Variants in STXBP6 observed in about 807,000 individuals in gnomAD.
STXBP6 encodes syntaxin-binding protein 6.
STXBP6 carries 21 observed loss-of-function variants against 26.9 expected under a neutral mutation model. The observed-to-expected ratio is 0.78, with a 90% confidence interval of 0.55 to 1.12. STXBP6 has a LOEUF of 1.12. Ranked by LOEUF, STXBP6 falls within the 50% of genes most tolerant of loss-of-function variation. STXBP6 has a pLI of 0.00. For missense variants in STXBP6, 232 were observed against 257.9 expected (o/e 0.90, Z 0.69); for synonymous variants, 97 against 92.6 (o/e 1.05, Z -0.27).
chr14:24,942,552 G>C (rs2072840454), intron 2 of STXBP6, among the ~76,000 whole-genome samples: 1 of 152,198 alleles, frequency 6.6e-6, no homozygotes. Flanking sequence ...TGCATGAATG[G>C]TGTTCTCTCA....
At chr14:24,922,522 C>T (rs929513160) in intron 2 of STXBP6, among the ~76,000 whole-genome samples, 3 of 152,116 alleles carry the variant, frequency 2.0e-5, no homozygotes, top group Non-Finnish European at 4.4e-5. Context: ...CTCTTTTCCC[C>T]TTACTAAATC....
At chr14:24,852,722 A>T (rs2069195451) in intron 4 of STXBP6, among the ~76,000 whole-genome samples, 1 of 152,164 alleles carries the variant, frequency 6.6e-6, no homozygotes, top group Non-Finnish European at 1.5e-5. Flanking sequence ...AACTATCCAT[A>T]AAGGCGGGTT....
At chr14:24,831,411 T>A (rs1405787218) in intron 4 of STXBP6, among the ~76,000 whole-genome samples, 1 of 152,130 alleles carries the variant, frequency 6.6e-6, no homozygotes, top group Non-Finnish European at 1.5e-5. Context: ...GGACCATATA[T>A]CACATGCATT....
At chr14:24,832,654 AAATCCACTAC>A (rs1369611486) in intron 4 of STXBP6, among the ~76,000 whole-genome samples, 1 of 152,198 alleles carries the variant, frequency 6.6e-6, no homozygotes, top group Non-Finnish European at 1.5e-5. Flanking sequence ...CTGGTCATTA[AAATCCACTAC>A]AATTATCATC....
At chr14:24,849,469 C>T (rs968418490) in intron 4 of STXBP6, among the ~76,000 whole-genome samples, 8 of 152,060 alleles carry the variant, frequency 5.3e-5, no homozygotes, top group South Asian at 2.1e-4. Flanking sequence ...ATTAAGGGAA[C>T]GTGGAAGTCA....
Position 25,041,326 on chromosome 14 carries a change from A to C in STXBP6, c.-33+8552T>G, listed in dbSNP as rs142886830. Among the ~76,000 whole-genome samples the C allele has an allele frequency of 3.0e-3, 453 of 152,248 alleles. 1 individual carries two copies. The highest frequency in any genetic ancestry group is 0.029 in the South Asian group (140 of 4,822). The stretch of plus-strand genomic sequence containing the variant: ...AGCAAAACTCCATCTCAAATAAATA[A>C]ATACATAAATAAATAAATAAAAATA... On this transcript the variant is annotated intron_variant, in intron 1 of 5. Transcript: ENST00000323944.
intron 2 of STXBP6, among the ~76,000 whole-genome samples, chr14:24,903,630 G>T (rs1038091158): frequency 6.6e-5 from 10 of 152,020 alleles, no homozygotes; most frequent in African/African-American, 2.2e-4. Context: ...ATATCCAAGT[G>T]ACATTTTGCC....
chr14:25,047,614 T>C (rs1301962956), intron 1 of STXBP6, among the ~76,000 whole-genome samples: 1 of 152,190 alleles, frequency 6.6e-6, no homozygotes, highest in Non-Finnish European at 1.5e-5. Context: ...ACTCTGGCAG[T>C]ATAGCCCAAC....
intron 2 of STXBP6, among the ~76,000 whole-genome samples, chr14:24,878,434 C>T (rs989994461): frequency 6.6e-6 from 1 of 151,912 alleles, no homozygotes; most frequent in Admixed American, 6.6e-5. Context: ...TTTAGTTATT[C>T]TAACACCATT....
At chr14:24,877,116 TAAACA>T (rs1469259084) in intron 2 of STXBP6, among the ~76,000 whole-genome samples, 1 of 152,188 alleles carries the variant, frequency 6.6e-6, no homozygotes, top group Non-Finnish European at 1.5e-5. Flanking sequence ...ATAGCGTGGT[TAAACA>T]AAACAAAGAA....
intron 2 of STXBP6, among the ~76,000 whole-genome samples, chr14:24,904,357 G>A (rs2071316241): frequency 6.6e-6 from 1 of 152,136 alleles, no homozygotes; most frequent in South Asian, 2.1e-4. Context: ...TTAGGTTGGT[G>A]CAAAAGTAAC....
intron 2 of STXBP6, among the ~76,000 whole-genome samples, chr14:24,928,898 C>T (rs1394486332): frequency 6.6e-6 from 1 of 151,796 alleles, no homozygotes; most frequent in Non-Finnish European, 1.5e-5. Flanking sequence ...ATAATCAATC[C>T]AAGTAGTTTC....
At chr14:25,008,514 C>T (rs1195714643) in intron 1 of STXBP6, among the ~76,000 whole-genome samples, 1 of 152,110 alleles carries the variant, frequency 6.6e-6, no homozygotes, top group South Asian at 2.1e-4. Context: ...TCCAAATGTA[C>T]CTGATAAATT....
At chr14:24,944,896 C>T (rs2072927025) in intron 2 of STXBP6, among the ~76,000 whole-genome samples, 1 of 152,008 alleles carries the variant, frequency 6.6e-6, no homozygotes, top group South Asian at 2.1e-4. Context: ...TGAATCTTAG[C>T]CCTGACTCTG....
chr14:24,940,710 A>G (rs1356965411), intron 2 of STXBP6, among the ~76,000 whole-genome samples: 3 of 152,112 alleles, frequency 2.0e-5, no homozygotes, highest in Non-Finnish European at 4.4e-5. Flanking sequence ...CCAACCCTAA[A>G]TAGACATTAA....
chr14:25,033,918 T>C, intron 1 of STXBP6, among the ~76,000 whole-genome samples: 1 of 152,066 alleles, frequency 6.6e-6, no homozygotes, highest in Admixed American at 6.5e-5. Flanking sequence ...ATGAAAAAAG[T>C]GCCTGAGAAA....
intron 2 of STXBP6, among the ~76,000 whole-genome samples, chr14:24,889,046 T>C (rs1262509700): frequency 4.0e-5 from 6 of 151,844 alleles, no homozygotes; most frequent in Non-Finnish European, 8.8e-5. Context: ...AAAAAAATCA[T>C]GAAGATGGTG....
Position 25,019,863 on chromosome 14 carries a change from C to T in STXBP6, c.-33+30015G>A, listed in dbSNP as rs1047159624. On this transcript the variant is annotated intron_variant, in intron 1 of 5. Coordinates refer to ENST00000323944, the MANE Select transcript of STXBP6 (RefSeq NM_001394410.1). The stretch of plus-strand genomic sequence containing the variant: ...GTATCTTATTATAAAATACAAGTTT[C>T]GTGGGTTTTTTTTTTTTTTTTTGGT... Among the ~76,000 whole-genome samples, 62 of 138,162 alleles carry T rather than the reference C, an allele frequency of 4.5e-4. 1 individual carries two copies. The highest frequency in any genetic ancestry group is 1.6e-3 in the South Asian group (7 of 4,394). 90.6% of individuals were successfully genotyped at this position (138,162 alleles called of 152,430 possible).
At chr14:24,823,139 C>A (rs2068185854) in intron 4 of STXBP6, among the ~76,000 whole-genome samples, 1 of 152,134 alleles carries the variant, frequency 6.6e-6, no homozygotes, top group African/African-American at 2.4e-5. Context: ...CTCCACTGAT[C>A]TTGCCTTCAT....
Sources: gnomAD v4.1 joint callset for allele counts (sites outside exome capture counted in the v4.1 genomes callset) on GRCh38, gnomAD v4.1.1 for gene constraint, MANE v1.5 for transcripts, NCBI Gene and HGNC (gene_info 2026-07-23, HGNC 2026-07-21) for gene names.